The following SLC18B1 variants were observed in gnomAD, a reference collection of about 807,000 sequenced individuals.
SLC18B1 encodes the protein solute carrier family 18 member B1.
Under a neutral mutation model 53.9 loss-of-function variants are expected in SLC18B1, and 62 were observed. The ratio of observed to expected loss-of-function variants is 1.15; its 90% CI spans 0.94 to 1.42. The LOEUF (loss-of-function observed/expected upper bound fraction) is 1.42, where lower values mean the gene tolerates loss of function less well. Among genes scored for constraint, SLC18B1 ranks in the 40% most tolerant of loss-of-function variants. The pLI is 0.00. For missense variants in SLC18B1, 598 were observed against 547.3 expected, an observed-to-expected ratio of 1.09 and a Z score of -0.93; for synonymous variants, 217 against 200.9, an observed-to-expected ratio of 1.08 and a Z score of -0.68.
intron 2 of SLC18B1, among the ~76,000 whole-genome samples, chr6:132,793,261 C>A (rs983315150): frequency 1.3e-5 from 2 of 152,160 alleles, no homozygotes; most frequent in African/African-American, 2.4e-5. Flanking sequence ...GTTAGCTTAG[C>A]TAATAAGAAA....
In SLC18B1 at chr6:132,773,060, C is replaced by A; in HGVS notation, c.1018G>T (p.Val340Phe). The A allele has an allele frequency of 6.2e-7, 1 of 1,613,822 alleles. No individual in the cohort carries two copies. The highest frequency in any genetic ancestry group is 8.5e-7 in the Non-Finnish European group (1 of 1,179,820). ...SQLWLLVLIL[V>F]VSGLSAGMSI... ...ATTCCAGCAGAGAGGCCACTTACAA[C>A]TAATATCAGCACCAGCAGCCAGAGC... is the stretch of plus-strand genomic sequence containing the variant. The change falls in exon 10 of 14, where the codon GTT (valine) becomes TTT (phenylalanine). Residue 340 changes from valine (V) to phenylalanine (F), a missense_variant. Physicochemically the swap from Val to Phe is conservative, Grantham distance 50. Transcript: ENST00000275227.
At chr6:132,793,715 A>G (rs1489176513) in intron 2 of SLC18B1, among the ~76,000 whole-genome samples, 3 of 152,222 alleles carry the variant, frequency 2.0e-5, no homozygotes, top group Non-Finnish European at 2.9e-5. Flanking sequence ...CCAAAGGTAC[A>G]TTCATAATCT....
At chr6:132,781,602 C>T (rs1781237792) in intron 6 of SLC18B1, among the ~76,000 whole-genome samples, 1 of 150,956 alleles carries the variant, frequency 6.6e-6, no homozygotes, top group African/African-American at 2.4e-5. Flanking sequence ...ACTAAAAATA[C>T]AAAAATCAGC....
At chr6:132,773,760 G>T (rs1423072240) in intron 9 of SLC18B1, among the ~76,000 whole-genome samples, 1 of 152,062 alleles carries the variant, frequency 6.6e-6, no homozygotes, top group East Asian at 1.9e-4. Context: ...AAGAAGTTCA[G>T]TTTATTTTAG....
intron 1 of SLC18B1, 24 bp downstream of exon 1, chr6:132,798,389 TC>T: frequency 6.6e-7 from 1 of 1,517,812 alleles, no homozygotes; most frequent in South Asian, 1.2e-5. Context: ...GTCTCCGGGC[TC>T]CCGGCCACGC....
chr6:132,774,674 C>T (rs1219519619), intron 8 of SLC18B1, among the ~76,000 whole-genome samples: 3 of 152,016 alleles, frequency 2.0e-5, no homozygotes, highest in African/African-American at 4.8e-5. Context: ...TTTGAGAGGC[C>T]GAGGTGGGAA....
intron 2 of SLC18B1, among the ~76,000 whole-genome samples, chr6:132,792,268 A>AAAGAAAGAAAGG: frequency 2.0e-5 from 1 of 50,200 alleles, no homozygotes; most frequent in East Asian, 4.1e-4. Context: ...AGAAAGAAAG[A>AAAGAAAGAAAGG]AAGAAAGAAA....
At chr6:132,780,193 C>A (rs1414977074) in intron 6 of SLC18B1, among the ~76,000 whole-genome samples, 4 of 151,752 alleles carry the variant, frequency 2.6e-5, no homozygotes, top group Non-Finnish European at 4.4e-5. Context: ...CCAACTCCTG[C>A]GTGCTCAAGT....
rs922500960 is a variant in SLC18B1, at chr6:132,769,726, G to T, written c.*544C>A. On this transcript the variant is annotated 3_prime_UTR_variant, in exon 14 of 14. Coordinates refer to ENST00000275227, the MANE Select transcript of SLC18B1 (RefSeq NM_052831.3). Reference sequence around the variant, plus strand: ...GGTCAGGGAGTGCTAGAGAGTTTCTGTATGGCAGGCAAGAATTCTTCCTTT... The same window carrying T: ...GGTCAGGGAGTGCTAGAGAGTTTCTTTATGGCAGGCAAGAATTCTTCCTTT... The T allele has an allele frequency of 1.3e-5, 2 of 152,278 alleles. No individual in the cohort carries two copies. Among genetic ancestry groups the T allele is most frequent in the African/African-American group, 4.8e-5 (2 of 41,442 alleles). 9.4% of individuals were successfully genotyped at this position (152,278 alleles called of 1,614,324 possible).
intron 7 of SLC18B1, among the ~76,000 whole-genome samples, 200 bp downstream of exon 7, chr6:132,779,068 G>A (rs1781165226): frequency 6.6e-6 from 1 of 152,208 alleles, no homozygotes; most frequent in African/African-American, 2.4e-5. Context: ...GCCACTTAGT[G>A]AAAGACTTCC....
intron 7 of SLC18B1, among the ~76,000 whole-genome samples, chr6:132,778,615 G>C (rs1019615293): frequency 6.6e-6 from 1 of 152,070 alleles, no homozygotes; most frequent in Admixed American, 6.5e-5. Context: ...ATTATGGGTT[G>C]AAGTTAGTCA....
At chr6:132,785,925 A>AAAAG in intron 5 of SLC18B1, among the ~76,000 whole-genome samples, 3 of 151,280 alleles carry the variant, frequency 2.0e-5, no homozygotes, top group Non-Finnish European at 4.4e-5. Flanking sequence ...AAGAAAGAAA[A>AAAAG]AAAGAAAAAA....
At position 132,797,060 on chromosome 6, in the gene SLC18B1, A is replaced by C. The variant is rs776193149; in HGVS notation, c.105T>G (p.Phe35Leu). ...TCACCGAAGCTGCCGATATCAGTAC[A>C]AAAACCTGTTCTCTCGAAAGCCACC... ...TPGWLSREQV[F>L]VLISAASVNL... Residue 35 changes from phenylalanine (F) to leucine (L), a missense_variant, in exon 2 of 14, where the codon TTT becomes TTG. Coordinates refer to ENST00000275227, the MANE Select transcript of SLC18B1 (RefSeq NM_052831.3). 2 of 1,614,224 alleles carry C rather than the reference A, an allele frequency of 1.2e-6. No homozygotes were observed. The highest frequency in any genetic ancestry group is 2.2e-5 in the South Asian group (2 of 91,092).
At chr6:132,794,539 T>C (rs568767067) in intron 2 of SLC18B1, among the ~76,000 whole-genome samples, 1 of 152,286 alleles carries the variant, frequency 6.6e-6, no homozygotes, top group East Asian at 1.9e-4. Context: ...GCCTGCCTCC[T>C]CAGATCCACT....
intron 5 of SLC18B1, 81 bp downstream of exon 5, chr6:132,787,353 T>C (rs142314980): frequency 0.012 from 16,512 of 1,356,606 alleles, 128 homozygotes; most frequent in Non-Finnish European, 0.013. Flanking sequence ...TATAGAAGAA[T>C]GGACCCCAGC....
Position 132,769,529 on chromosome 6 carries a change from A to G in SLC18B1, c.*741T>C, listed in dbSNP as rs1780917949. 1.3e-5 allele frequency: 2 copies of G among 152,210 alleles called. No homozygotes were observed. Among genetic ancestry groups the G allele is most frequent in the Admixed American group, 6.5e-5 (1 of 15,282 alleles). 9.4% of individuals were successfully genotyped at this position (152,210 alleles called of 1,614,324 possible). A position where few individuals can be genotyped will look rare whatever the true frequency, so the allele number is the denominator to read the frequency against. ...TACCAAGATATAGATAAAAACAAAA[A>G]CAAAACAGATGGTAGAGCCAAAAAA... On this transcript the variant is annotated 3_prime_UTR_variant, in exon 14 of 14. Coordinates refer to ENST00000275227, the MANE Select transcript of SLC18B1 (RefSeq NM_052831.3).
Position 132,770,461 on chromosome 6 carries a change from C to A in SLC18B1, c.1305-125G>T, listed in dbSNP as rs1304239942. 28 of 786,936 alleles carry A rather than the reference C, an allele frequency of 3.6e-5. No homozygotes were observed. The African/African-American group carries it at 4.6e-4, about 13-fold the overall frequency. 48.7% of individuals were successfully genotyped at this position (786,936 alleles called of 1,614,324 possible). ...TTTAAAAAAGTTTCTACTGCCCGGG[C>A]ATGGTGGCTCACGCCTGTAATCCCA... On this transcript the variant is annotated intron_variant, in intron 13 of 13. Coordinates refer to ENST00000275227, the MANE Select transcript of SLC18B1 (RefSeq NM_052831.3).
intron 2 of SLC18B1, among the ~76,000 whole-genome samples, chr6:132,792,280 AAAGGAAGAAAGG>A (rs1562271414): frequency 1.6e-4 from 7 of 42,696 alleles, no homozygotes; most frequent in African/African-American, 2.5e-4. Flanking sequence ...AGAAAGAAAG[AAAGGAAGAAAGG>A]AAGGAAGGAA....
intron 2 of SLC18B1, among the ~76,000 whole-genome samples, chr6:132,791,052 T>C (rs1781511673): frequency 6.6e-6 from 1 of 152,228 alleles, no homozygotes; most frequent in African/African-American, 2.4e-5. Flanking sequence ...TAAAAAACTT[T>C]GTCAAGTCCC....
Sources: gnomAD v4.1 joint callset for allele counts (sites outside exome capture counted in the v4.1 genomes callset) on GRCh38, gnomAD v4.1.1 for gene constraint, MANE v1.5 for transcripts, NCBI Gene and HGNC (gene_info 2026-07-23, HGNC 2026-07-21) for gene names.